PBX1: variants seen among roughly 807,000 people sequenced by gnomAD.
PBX1 encodes the protein PBX homeobox 1.
In PBX1, 6 loss-of-function variants were observed where a neutral mutation model predicts 53.4. The ratio of observed to expected loss-of-function variants is 0.11; its 90% CI spans 0.06 to 0.22. PBX1 has a LOEUF of 0.22. Ranked by LOEUF, PBX1 falls within the 10% of genes least tolerant of loss-of-function variation. The pLI, the probability that PBX1 is intolerant of heterozygous loss-of-function variation, is 1.00. For synonymous variants in PBX1, 204 were observed against 212.3 expected (o/e 0.96, Z 0.34); for missense variants, 251 against 551.4 (o/e 0.46, Z 5.46).
chr1:164,807,706 G>A (rs771841507), intron 5 of PBX1, 29 bp downstream of exon 5: 15 of 1,611,448 alleles, frequency 9.3e-6, no homozygotes, highest in Admixed American at 3.4e-5. Context: ...GCCTCAGCCT[G>A]TAGCCTGGCC....
chr1:164,857,124 C>T (rs1057234779), intron 2 of PBX1, among the ~76,000 whole-genome samples: 2 of 152,184 alleles, frequency 1.3e-5, no homozygotes, highest in East Asian at 1.9e-4. Context: ...GTCCCACAAG[C>T]CTGCCCTCAC....
At chr1:164,574,069 C>T (rs916676426) in intron 2 of PBX1, among the ~76,000 whole-genome samples, 1 of 152,204 alleles carries the variant, frequency 6.6e-6, no homozygotes, top group Non-Finnish European at 1.5e-5. Flanking sequence ...AGAGAACGTC[C>T]ACCTTACACT....
intron 2 of PBX1, among the ~76,000 whole-genome samples, chr1:164,692,317 GAT>G (rs1387201291): frequency 6.6e-6 from 1 of 152,190 alleles, no homozygotes; most frequent in Non-Finnish European, 1.5e-5. Flanking sequence ...GCACTTAAAT[GAT>G]TTTAGTGTTT....
chr1:164,759,707 A>T (rs1217746650), intron 2 of PBX1, among the ~76,000 whole-genome samples: 1 of 152,156 alleles, frequency 6.6e-6, no homozygotes, highest in Non-Finnish European at 1.5e-5. Flanking sequence ...CAACCCTGGC[A>T]CAGGTGGACA....
At chr1:164,882,360 A>AT (rs1214951973) in intron 2 of PBX1, among the ~76,000 whole-genome samples, 3 of 152,218 alleles carry the variant, frequency 2.0e-5, no homozygotes, top group African/African-American at 7.2e-5. Flanking sequence ...TCATGGCTTC[A>AT]TTTTTTCTTG....
chr1:164,569,215 G>A (rs574894936), intron 2 of PBX1, among the ~76,000 whole-genome samples: 1 of 152,256 alleles, frequency 6.6e-6, no homozygotes, highest in East Asian at 1.9e-4. Flanking sequence ...CAGACTCTCT[G>A]AGTTTGTATC....
chr1:164,785,579 C>T (rs1668132852), intron 2 of PBX1, among the ~76,000 whole-genome samples: 1 of 152,168 alleles, frequency 6.6e-6, no homozygotes. Flanking sequence ...TCTCATGTAC[C>T]CACAAGCCTC....
chr1:164,609,242 T>C (rs761020294), intron 2 of PBX1, among the ~76,000 whole-genome samples: 5 of 152,116 alleles, frequency 3.3e-5, no homozygotes, highest in Non-Finnish European at 5.9e-5. Flanking sequence ...TTATTTTTTC[T>C]TTCCTGAGTG....
chr1:164,675,995 C>A (rs112130226), intron 2 of PBX1, among the ~76,000 whole-genome samples: 1 of 152,112 alleles, frequency 6.6e-6, no homozygotes, highest in Non-Finnish European at 1.5e-5. Flanking sequence ...TAGGGCTATG[C>A]CCTTTATATT....
Position 164,848,879 on chromosome 1 carries a change from A to C in PBX1, c.*2203A>C. The C allele has an allele frequency of 1.9e-6, 2 of 1,066,388 alleles. No homozygotes were observed. Among genetic ancestry groups the C allele is most frequent in the South Asian group, 4.5e-5 (1 of 22,136 alleles). 66.1% of individuals were successfully genotyped at this position (1,066,388 alleles called of 1,614,324 possible). ...GATGCCACTGAAGAAACTCAAGGGAATGTGTATTTGAAGGAAATGCAAAAA... is the reference window on the plus strand; with the variant it reads ...GATGCCACTGAAGAAACTCAAGGGACTGTGTATTTGAAGGAAATGCAAAAA... On this transcript the variant is annotated 3_prime_UTR_variant, in exon 9 of 9. Coordinates refer to ENST00000420696, the MANE Select transcript of PBX1 (RefSeq NM_002585.4).
At chr1:164,879,925 G>A (rs2102464315) in intron 2 of PBX1, among the ~76,000 whole-genome samples, 1 of 152,272 alleles carries the variant, frequency 6.6e-6, no homozygotes, top group African/African-American at 2.4e-5. Context: ...CTTTACCTTA[G>A]TTGGGCAGTG....
At chr1:164,685,784 C>G (rs769561098) in intron 2 of PBX1, among the ~76,000 whole-genome samples, 53 of 152,158 alleles carry the variant, frequency 3.5e-4, no homozygotes, top group African/African-American at 9.7e-5. Flanking sequence ...AGAGAAAAAG[C>G]CTGGACAGGA....
Position 164,821,765 on chromosome 1 carries a change from G to A in PBX1, c.1200+139G>A, listed in dbSNP as rs541978873. 380 of 716,764 alleles carry A rather than the reference G, an allele frequency of 5.3e-4. 3 individuals carry two copies. The South Asian group carries it at 5.5e-3, about 10-fold the overall frequency. 44.4% of individuals were successfully genotyped at this position (716,764 alleles called of 1,614,324 possible). On this transcript the variant is annotated intron_variant, in intron 8 of 8. Transcript: ENST00000420696. ...TCACCTAGTTTCTTGTTTCTGTATC[G>A]GTCATGCCATCGGCAGCATTCTACC...
intron 6 of PBX1, chr1:164,814,340 TGAAGTCTAGAGTTGTAGAACCTAG>T (rs1669771696): frequency 6.6e-6 from 1 of 152,242 alleles, no homozygotes; most frequent in Non-Finnish European, 1.5e-5. Context: ...TGGCAGAGTT[TGAAGTCTAGAGTTGTAGAACCTAG>T]GAACTTTTCA....
At chr1:164,686,244 G>A (rs1479860727) in intron 2 of PBX1, among the ~76,000 whole-genome samples, 2 of 152,070 alleles carry the variant, frequency 1.3e-5, no homozygotes, top group Non-Finnish European at 2.9e-5. Context: ...GAAAGTGTTC[G>A]GTCACCTGGA....
chr1:164,724,663 G>A (rs1018870267), intron 2 of PBX1, among the ~76,000 whole-genome samples: 6 of 107,930 alleles, frequency 5.6e-5, no homozygotes, highest in Non-Finnish European at 7.1e-5. Context: ...CATTGCAATA[G>A]CTGCAGATTT....
chr1:164,565,763 T>C (rs79483494), intron 2 of PBX1, among the ~76,000 whole-genome samples: 13,518 of 151,224 alleles, frequency 0.089, 696 homozygotes, highest in East Asian at 0.2. Flanking sequence ...TTTTTTTTTT[T>C]CCCCCTCTTC....
At chr1:164,826,413 CT>C (rs199769824) in intron 8 of PBX1, among the ~76,000 whole-genome samples, 5 of 150,966 alleles carry the variant, frequency 3.3e-5, no homozygotes, top group African/African-American at 4.9e-5. Flanking sequence ...TGTTTGTTTT[CT>C]TTTTTTTTGA....
intron 2 of PBX1, among the ~76,000 whole-genome samples, chr1:164,671,632 C>T (rs1432821278): frequency 6.6e-6 from 1 of 152,112 alleles, no homozygotes; most frequent in Non-Finnish European, 1.5e-5. Context: ...TTTGCTCTCT[C>T]CTCCTCATAA....
Sources: gnomAD v4.1 joint callset for allele counts (sites outside exome capture counted in the v4.1 genomes callset) on GRCh38, gnomAD v4.1.1 for gene constraint, MANE v1.5 for transcripts, NCBI Gene and HGNC (gene_info 2026-07-23, HGNC 2026-07-21) for gene names.